Variants in ATP2B2 observed in about 807,000 individuals in gnomAD.
ATP2B2 encodes ATPase plasma membrane Ca2+ transporting 2.
A neutral mutation model predicts 120.0 loss-of-function variants in ATP2B2; 15 were observed. The ratio of observed to expected loss-of-function variants is 0.12; its 90% confidence interval spans 0.08 to 0.19. The LOEUF is 0.19. Ranked by LOEUF, ATP2B2 falls within the 10% of genes least tolerant of loss-of-function variation. ATP2B2 has a pLI of 1.00. For synonymous variants in ATP2B2, 694 were observed against 700.3 expected, an observed-to-expected ratio of 0.99 and a Z score of 0.14; for missense variants, 1,045 against 1,719.8, an observed-to-expected ratio of 0.61 and a Z score of 6.94.
At chr3:10,689,727 G>A (rs951687232) in intron 1 of ATP2B2, among the ~76,000 whole-genome samples, 1 of 152,192 alleles carries the variant, frequency 6.6e-6, no homozygotes, top group African/African-American at 2.4e-5. Context: ...GCCTCGTTTG[G>A]TTGCCGGGAA....
intron 1 of ATP2B2, among the ~76,000 whole-genome samples, chr3:10,480,564 A>C (rs1033899028): frequency 3.9e-5 from 6 of 152,198 alleles, no homozygotes; most frequent in Non-Finnish European, 8.8e-5. Flanking sequence ...TTGTTCCTGG[A>C]CAGAACTCCC....
intron 1 of ATP2B2, among the ~76,000 whole-genome samples, chr3:10,634,406 G>A (rs1419566564): frequency 6.6e-6 from 1 of 152,172 alleles, no homozygotes; most frequent in Non-Finnish European, 1.5e-5. Flanking sequence ...GTCCAATTCA[G>A]CCTTGGAGAC....
At chr3:10,704,058 A>G (rs1319550639) in intron 1 of ATP2B2, among the ~76,000 whole-genome samples, 2 of 149,864 alleles carry the variant, frequency 1.3e-5, no homozygotes, top group Non-Finnish European at 3.0e-5. Context: ...TCTTCCCCTC[A>G]CTCCCTCTGC....
Position 10,360,135 on chromosome 3 carries a change from G to A in ATP2B2, c.1660-12C>T. On this transcript the variant is annotated splice_polypyrimidine_tract_variant and intron_variant, in intron 12 of 22. Coordinates refer to ENST00000360273, the MANE Select transcript of ATP2B2 (RefSeq NM_001001331.4). Reference sequence around the variant, plus strand: ...TCCTTCTCTGGGGGCTGCAGAGAGAGGAAGGAGCGGCTGGCACCTGGTGGG... The same window carrying A: ...TCCTTCTCTGGGGGCTGCAGAGAGAAGAAGGAGCGGCTGGCACCTGGTGGG... 1 of 1,577,302 alleles carries A rather than the reference G, an allele frequency of 6.3e-7. No homozygotes were observed. The highest frequency in any genetic ancestry group is 8.6e-7 in the Non-Finnish European group (1 of 1,159,818).
chr3:10,376,518 C>T (rs751938904), intron 10 of ATP2B2, among the ~76,000 whole-genome samples: 3 of 152,120 alleles, frequency 2.0e-5, no homozygotes, highest in Non-Finnish European at 4.4e-5. Context: ...ACGGTAGGAA[C>T]GCAGCTGGGG....
In ATP2B2 at chr3:10,342,626, G is replaced by T; in HGVS notation, c.2917+126C>A. 1 of 1,170,004 alleles carries T rather than the reference G, an allele frequency of 8.5e-7. No homozygotes were observed. Among genetic ancestry groups the T allele is most frequent in the Non-Finnish European group, 1.2e-6 (1 of 806,700 alleles). The allele number at this position is 1,170,004 out of a possible 1,614,324, so 72.5% of individuals were successfully genotyped here. On this transcript the variant is annotated intron_variant, in intron 19 of 22. Transcript: ENST00000360273. This position sits in a 1 kb window ranked among gnomAD's most constrained non-coding sequence, Gnocchi z 4.4. ...CTTGGGCAACTTACTTGACCTCCCT[G>T]GGCCTCAATTTCCCCATTAGCAAAA...
At chr3:10,451,315 A>T (rs375902437) in intron 1 of ATP2B2, among the ~76,000 whole-genome samples, 3 of 152,272 alleles carry the variant, frequency 2.0e-5, no homozygotes, top group East Asian at 1.9e-4. Flanking sequence ...AGAACACAGT[A>T]TCTGGCATTG....
chr3:10,522,512 G>C (rs192850451), intron 3 of ATP2B2, among the ~76,000 whole-genome samples: 1 of 152,194 alleles, frequency 6.6e-6, no homozygotes, highest in Non-Finnish European at 1.5e-5. Flanking sequence ...CATAGCTTCT[G>C]CTGAAGCCAG....
At chr3:10,602,726 C>A (rs553975686) in intron 2 of ATP2B2, among the ~76,000 whole-genome samples, 1 of 152,204 alleles carries the variant, frequency 6.6e-6, no homozygotes, top group African/African-American at 2.4e-5. Context: ...TGGGTAATCG[C>A]GTGGGTTGTT....
At chr3:10,606,994 G>C (rs1268661357) in intron 2 of ATP2B2, among the ~76,000 whole-genome samples, 105 of 35,458 alleles carry the variant, frequency 3.0e-3, no homozygotes, top group African/African-American at 7.9e-3. Flanking sequence ...AAGAGAGAGA[G>C]AGAGACAGAG....
At chr3:10,420,152 G>A (rs944480752) in intron 2 of ATP2B2, among the ~76,000 whole-genome samples, 1 of 152,198 alleles carries the variant, frequency 6.6e-6, no homozygotes, top group Non-Finnish European at 1.5e-5. Context: ...GGCTGAGTGG[G>A]GGAGGGCACC....
intron 2 of ATP2B2, among the ~76,000 whole-genome samples, chr3:10,607,517 G>A (rs2069119118): frequency 6.6e-6 from 1 of 152,190 alleles, no homozygotes; most frequent in Non-Finnish European, 1.5e-5. Flanking sequence ...CCTGACCCCT[G>A]CACACCTGGC....
intron 2 of ATP2B2, among the ~76,000 whole-genome samples, chr3:10,604,072 C>T (rs925614929): frequency 6.6e-6 from 1 of 152,176 alleles, no homozygotes; most frequent in African/African-American, 2.4e-5. Flanking sequence ...CTTTTCTCCT[C>T]CCAGATGCCC....
chr3:10,447,021 A>G (rs9856629), intron 2 of ATP2B2, among the ~76,000 whole-genome samples: 2,600 of 152,270 alleles, frequency 0.017, 87 homozygotes, highest in African/African-American at 0.059. Context: ...TCCATAGCCA[A>G]GTCCAAACAC....
intron 1 of ATP2B2, among the ~76,000 whole-genome samples, chr3:10,650,007 G>A (rs1195188414): frequency 6.6e-6 from 1 of 152,194 alleles, no homozygotes; most frequent in East Asian, 1.9e-4. Context: ...CGTGAAAACA[G>A]ACTAACACAG....
intron 3 of ATP2B2, among the ~76,000 whole-genome samples, chr3:10,523,906 G>T (rs1004460840): frequency 1.3e-5 from 2 of 151,784 alleles, no homozygotes; most frequent in African/African-American, 2.4e-5. Flanking sequence ...CTACAAACCA[G>T]CTACTTGTGA....
chr3:10,595,652 G>T (rs2068748245), intron 2 of ATP2B2, among the ~76,000 whole-genome samples: 1 of 386 alleles, frequency 2.6e-3, no homozygotes, highest in Non-Finnish European at 4.9e-3. Context: ...AGACCACATT[G>T]CGCTTCCATT....
intron 2 of ATP2B2, among the ~76,000 whole-genome samples, chr3:10,426,794 T>C (rs1278945753): frequency 6.7e-6 from 1 of 149,546 alleles, no homozygotes; most frequent in Non-Finnish European, 1.5e-5. Context: ...GAGAGCTTAT[T>C]TGAGGATCAG....
At chr3:10,520,540 G>A (rs112715157) in intron 3 of ATP2B2, among the ~76,000 whole-genome samples, 29 of 152,266 alleles carry the variant, frequency 1.9e-4, no homozygotes, top group African/African-American at 7.0e-4. Flanking sequence ...CACAATCTCG[G>A]CTCACTGCAA....
Sources: allele counts gnomAD v4.1 joint callset (sites outside exome capture counted in the v4.1 genomes callset), GRCh38; gene constraint gnomAD v4.1.1; non-coding constraint Gnocchi (gnomAD v3.1); transcripts MANE v1.5; gene names NCBI Gene and HGNC (gene_info 2026-07-23, HGNC 2026-07-21).